The following NRXN1 variants were observed in gnomAD, a reference collection of about 807,000 sequenced individuals.
NRXN1 encodes the protein neurexin 1.
A neutral mutation model predicts 150.9 loss-of-function variants in NRXN1; 39 were observed. That is an observed-to-expected ratio of 0.26 (90% confidence interval 0.20 to 0.34). The LOEUF (loss-of-function observed/expected upper bound fraction) is 0.34, where lower values mean the gene tolerates loss of function less well. NRXN1 is among the 10% of genes least tolerant of loss of function. NRXN1 has a pLI of 1.00. For synonymous variants in NRXN1, 924 were observed against 757.0 expected (o/e 1.22, Z -3.62); for missense variants, 1,815 against 1,949.9 (o/e 0.93, Z 1.30).
At chr2:50,649,216 G>C (rs751403375) in intron 5 of NRXN1, among the ~76,000 whole-genome samples, 2 of 147,774 alleles carry the variant, frequency 1.4e-5, no homozygotes, top group Admixed American at 6.8e-5. Flanking sequence ...TCAAGGAAAA[G>C]AATACAAAAT....
At chr2:50,512,824 A>AGTG (rs977638283) in intron 12 of NRXN1, among the ~76,000 whole-genome samples, 1 of 152,208 alleles carries the variant, frequency 6.6e-6, no homozygotes, top group Non-Finnish European at 1.5e-5. Flanking sequence ...TTTGGATAGC[A>AGTG]GAATCAGTAC....
At position 49,919,649 on chromosome 2, in the gene NRXN1, G is replaced by A. The variant is rs528885466; in HGVS notation, c.*2295C>T. 4.6e-5 allele frequency: 7 copies of A among 151,508 alleles called. No homozygotes were observed. Among genetic ancestry groups the A allele is most frequent in the Admixed American group, 2.0e-4 (3 of 15,232 alleles). The allele number at this position is 151,508 out of a possible 1,614,324, so 9.4% of individuals were successfully genotyped here. A position where few individuals can be genotyped will look rare whatever the true frequency, so the allele number is the denominator to read the frequency against. On this transcript the variant is annotated 3_prime_UTR_variant, in exon 23 of 23. Transcript: ENST00000401669. ...TTCCCTGAGTAAGACTGAATGAGAC[G>A]GGGGAAAAGAAAAGACTCGTGAATT...
intron 17 of NRXN1, among the ~76,000 whole-genome samples, chr2:50,284,970 A>C (rs2071938626): frequency 6.6e-6 from 1 of 152,220 alleles, no homozygotes; most frequent in South Asian, 2.1e-4. Context: ...ATAAAGACTC[A>C]AAACACTTCT....
intron 18 of NRXN1, among the ~76,000 whole-genome samples, chr2:50,164,725 T>C (rs1226784143): frequency 6.6e-6 from 1 of 152,182 alleles, no homozygotes; most frequent in Non-Finnish European, 1.5e-5. Context: ...ACACACTTTC[T>C]AATCTACATA....
In NRXN1 at chr2:50,212,857, C is replaced by G. The variant is rs77392234; in HGVS notation, c.3546+23932G>C. The stretch of plus-strand genomic sequence containing the variant: ...TGTGAACTGATATTTCTGCAAGGGT[C>G]AGGTAGGTACCAGTTGCAAGTCATT... On this transcript the variant is annotated intron_variant, in intron 18 of 22. Transcript: ENST00000401669. Among the ~76,000 whole-genome samples, 1,257 of 151,994 alleles carry G rather than the reference C, an allele frequency of 8.3e-3. 20 individuals carry two copies. The highest frequency in any genetic ancestry group is 0.028 in the African/African-American group (1,164 of 41,516).
At chr2:50,287,666 C>A (rs1000403810) in intron 17 of NRXN1, among the ~76,000 whole-genome samples, 1 of 152,072 alleles carries the variant, frequency 6.6e-6, no homozygotes, top group African/African-American at 2.4e-5. Context: ...ATGGAATGGT[C>A]TGATTTCTGT....
intron 17 of NRXN1, among the ~76,000 whole-genome samples, chr2:50,302,726 C>A (rs578083227): frequency 6.6e-6 from 1 of 152,070 alleles, no homozygotes; most frequent in Non-Finnish European, 1.5e-5. Context: ...TCTTTCATTA[C>A]GCTAGTTTCA....
intron 17 of NRXN1, among the ~76,000 whole-genome samples, chr2:50,264,437 C>A (rs1328695238): frequency 6.6e-6 from 1 of 151,830 alleles, no homozygotes; most frequent in Non-Finnish European, 1.5e-5. Flanking sequence ...AACGACAAAG[C>A]AATCATTTTG....
At chr2:49,946,934 T>A (rs1558559223) in intron 21 of NRXN1, among the ~76,000 whole-genome samples, 3 of 152,110 alleles carry the variant, frequency 2.0e-5, no homozygotes, top group Non-Finnish European at 2.9e-5. Flanking sequence ...CGTTAGCAAT[T>A]GGCACGATAA....
intron 22 of NRXN1, among the ~76,000 whole-genome samples, chr2:49,931,864 T>C (rs1384028140): frequency 6.6e-6 from 1 of 152,160 alleles, no homozygotes; most frequent in Non-Finnish European, 1.5e-5. Flanking sequence ...CCCAAAAATA[T>C]ATACATCCAG....
At chr2:50,773,365 GA>G (rs1321725426) in intron 5 of NRXN1, among the ~76,000 whole-genome samples, 1 of 152,132 alleles carries the variant, frequency 6.6e-6, no homozygotes, top group Admixed American at 6.6e-5. Flanking sequence ...ATGAGACACA[GA>G]AAGAATATAA....
At chr2:50,245,713 T>A (rs902356634) in intron 17 of NRXN1, among the ~76,000 whole-genome samples, 17 of 151,684 alleles carry the variant, frequency 1.1e-4, no homozygotes, top group Non-Finnish European at 2.4e-4. Context: ...GAGTCAAGAA[T>A]TTTCTTTACT....
At chr2:49,949,716 C>G (rs1028341707) in intron 21 of NRXN1, among the ~76,000 whole-genome samples, 5 of 151,528 alleles carry the variant, frequency 3.3e-5, no homozygotes, top group African/African-American at 1.2e-4. Context: ...AAAGAATTGT[C>G]TCAGACAATG....
chr2:50,638,853 A>T (rs541414423), intron 5 of NRXN1, among the ~76,000 whole-genome samples: 9 of 152,284 alleles, frequency 5.9e-5, no homozygotes, highest in African/African-American at 2.2e-4. Flanking sequence ...ACAAAACTAT[A>T]CAAGTTAAAG....
chr2:50,305,066 G>T (rs931557016), intron 17 of NRXN1, among the ~76,000 whole-genome samples: 1 of 152,122 alleles, frequency 6.6e-6, no homozygotes, highest in African/African-American at 2.4e-5. Context: ...CTCCAGCCTG[G>T]GTGACAGAGC....
chr2:50,956,358 T>C (rs1692282258), intron 2 of NRXN1, among the ~76,000 whole-genome samples: 1 of 152,174 alleles, frequency 6.6e-6, no homozygotes, highest in Non-Finnish European at 1.5e-5. Flanking sequence ...CTGGGGGGCC[T>C]TGGAACATAT....
intron 11 of NRXN1, among the ~76,000 whole-genome samples, chr2:50,530,348 G>C (rs2093066093): frequency 6.6e-6 from 1 of 152,102 alleles, no homozygotes; most frequent in Admixed American, 6.6e-5. Context: ...GAAACGATGT[G>C]CTAATTATAA....
chr2:50,783,026 C>T (rs754772244), intron 5 of NRXN1, among the ~76,000 whole-genome samples: 37 of 152,218 alleles, frequency 2.4e-4, no homozygotes, highest in Non-Finnish European at 1.6e-4. Flanking sequence ...TCCCCTTTCA[C>T]CACCGCCCCA....
At chr2:50,238,499 C>G (rs2065682888) in intron 17 of NRXN1, among the ~76,000 whole-genome samples, 1 of 151,852 alleles carries the variant, frequency 6.6e-6, no homozygotes, top group African/African-American at 2.4e-5. Flanking sequence ...AAACTTAGGC[C>G]ACAAAACTTC....
Sources: allele counts gnomAD v4.1 joint callset (sites outside exome capture counted in the v4.1 genomes callset), GRCh38; gene constraint gnomAD v4.1.1; transcripts MANE v1.5; gene names NCBI Gene and HGNC (gene_info 2026-07-23, HGNC 2026-07-21).